Variants in KHDRBS2 observed in about 807,000 individuals in gnomAD.
KHDRBS2 encodes the protein KH domain-containing, RNA-binding, signal transduction-associated protein 2.
Under a neutral mutation model 44.3 loss-of-function variants are expected in KHDRBS2, and 26 were observed. That is an observed-to-expected ratio of 0.59 (90% CI 0.43 to 0.81). The LOEUF is 0.81. Among genes scored for constraint, KHDRBS2 ranks in the 40% least tolerant of loss-of-function variants. The probability of loss-of-function intolerance (pLI) is 0.00; values close to 1 mark genes in which losing one functional copy is unlikely to be tolerated. For synonymous variants in KHDRBS2, 194 were observed against 151.1 expected (o/e 1.28, Z -2.08); for missense variants, 476 against 433.1 (o/e 1.10, Z -0.88).
the KHDRBS2 span, among the ~76,000 whole-genome samples, chr6:61,615,259 A>G: frequency 6.7e-6 from 1 of 148,902 alleles, no homozygotes; most frequent in East Asian, 1.9e-4. Flanking sequence ...AAAGAAAGAA[A>G]AAAGAAAAAA....
chr6:61,766,980 T>C (rs1219742322), intron 6 of KHDRBS2, among the ~76,000 whole-genome samples: 2 of 152,138 alleles, frequency 1.3e-5, no homozygotes, highest in Admixed American at 6.5e-5. Context: ...ATTGGGTCTA[T>C]GGTGCAGATT....
chr6:61,574,392 G>A, the KHDRBS2 span: 2 of 1,524,902 alleles, frequency 1.3e-6, no homozygotes, highest in Non-Finnish European at 1.8e-6. Flanking sequence ...CCCGTGAAGA[G>A]GCGGACATAA....
At chr6:61,923,282 G>C (rs74696330) in intron 4 of KHDRBS2, among the ~76,000 whole-genome samples, 10,239 of 152,062 alleles carry the variant, frequency 0.067, 404 homozygotes, top group Middle Eastern at 0.13. Flanking sequence ...ATTAGCATTA[G>C]AAATGTGAGA....
chr6:61,646,282 T>A, the KHDRBS2 span, among the ~76,000 whole-genome samples: 8 of 152,280 alleles, frequency 5.3e-5, no homozygotes, highest in Admixed American at 4.6e-4. Context: ...AACAGAGGTA[T>A]TGTTTTCTAC....
intron 6 of KHDRBS2, among the ~76,000 whole-genome samples, chr6:61,848,567 A>ATATATACG (rs1212494397): frequency 5.5e-5 from 4 of 73,028 alleles, no homozygotes; most frequent in African/African-American, 1.2e-4. Flanking sequence ...ATATATGTAT[A>ATATATACG]TATATATACA....
the KHDRBS2 span, among the ~76,000 whole-genome samples, chr6:61,603,241 G>A: frequency 1.3e-5 from 2 of 152,260 alleles, no homozygotes; most frequent in East Asian, 1.9e-4. Context: ...TTCAGGATCT[G>A]TGCCTTATCC....
chr6:61,779,450 C>CA (rs988655452), intron 6 of KHDRBS2, among the ~76,000 whole-genome samples: 4 of 151,786 alleles, frequency 2.6e-5, no homozygotes, highest in East Asian at 1.9e-4. Flanking sequence ...GGGTGTGGTT[C>CA]AAAAAAACTT....
chr6:62,195,143 CTTAT>C (rs1825418342), intron 1 of KHDRBS2, among the ~76,000 whole-genome samples: 1 of 152,114 alleles, frequency 6.6e-6, no homozygotes. Flanking sequence ...AAGCCATGCC[CTTAT>C]TTGTTAAATT....
intron 6 of KHDRBS2, among the ~76,000 whole-genome samples, chr6:61,861,600 C>A (rs911723423): frequency 2.0e-5 from 3 of 150,806 alleles, no homozygotes; most frequent in African/African-American, 7.3e-5. Flanking sequence ...CAGTACCATG[C>A]TGTTTCAATT....
At chr6:61,550,949 T>A in the KHDRBS2 span, among the ~76,000 whole-genome samples, 1 of 151,834 alleles carries the variant, frequency 6.6e-6, no homozygotes, top group East Asian at 2.0e-4. Flanking sequence ...ATTTTTGTAT[T>A]TTTTGGTGGA....
intron 1 of KHDRBS2, among the ~76,000 whole-genome samples, chr6:62,197,539 C>T (rs1825951478): frequency 6.6e-6 from 1 of 152,092 alleles, no homozygotes; most frequent in Non-Finnish European, 1.5e-5. Flanking sequence ...AAGTATTTAT[C>T]ACACTCAGCA....
At chr6:61,684,196 C>G (rs1329772737) in intron 8 of KHDRBS2, among the ~76,000 whole-genome samples, 1 of 151,812 alleles carries the variant, frequency 6.6e-6, no homozygotes. Flanking sequence ...AACCAATGAA[C>G]GTTTTTCCAG....
chr6:61,687,861 A>G (rs145271801), intron 8 of KHDRBS2, among the ~76,000 whole-genome samples: 1 of 151,958 alleles, frequency 6.6e-6, no homozygotes, highest in African/African-American at 2.4e-5. Context: ...CATGTGATGC[A>G]TAATTTTTAT....
At chr6:62,021,972 A>G (rs1445082089) in intron 3 of KHDRBS2, among the ~76,000 whole-genome samples, 1 of 149,554 alleles carries the variant, frequency 6.7e-6, no homozygotes, top group African/African-American at 2.4e-5. Context: ...GTACATATAT[A>G]CACACACTAT....
intron 1 of KHDRBS2, among the ~76,000 whole-genome samples, chr6:62,219,571 T>C (rs1830543671): frequency 6.6e-6 from 1 of 151,414 alleles, no homozygotes; most frequent in Non-Finnish European, 1.5e-5. Context: ...AAAAGATGCA[T>C]ATTAGAAGAA....
At chr6:62,110,897 A>T (rs1204458964) in intron 2 of KHDRBS2, among the ~76,000 whole-genome samples, 1 of 151,916 alleles carries the variant, frequency 6.6e-6, no homozygotes, top group Non-Finnish European at 1.5e-5. Context: ...CTGTTAAATT[A>T]AAAAAAAGTA....
intron 6 of KHDRBS2, among the ~76,000 whole-genome samples, chr6:61,745,278 T>C (rs1312191385): frequency 6.6e-6 from 1 of 152,172 alleles, no homozygotes; most frequent in African/African-American, 2.4e-5. Context: ...GATGTTAACT[T>C]TGTATTTTTT....
the KHDRBS2 span, among the ~76,000 whole-genome samples, chr6:61,637,692 C>T: frequency 6.6e-6 from 1 of 152,058 alleles, no homozygotes; most frequent in African/African-American, 2.4e-5. Flanking sequence ...CTCTCCAGCA[C>T]CTGTTGTTTC....
At chr6:62,029,614 C>G (rs187883216) in intron 3 of KHDRBS2, among the ~76,000 whole-genome samples, 1 of 151,754 alleles carries the variant, frequency 6.6e-6, no homozygotes, top group African/African-American at 2.4e-5. Flanking sequence ...TTCTCCATTA[C>G]GTAAAATAGC....
Sources: gnomAD v4.1 joint callset for allele counts (sites outside exome capture counted in the v4.1 genomes callset) on GRCh38, gnomAD v4.1.1 for gene constraint, MANE v1.5 for transcripts, NCBI Gene and HGNC (gene_info 2026-07-23, HGNC 2026-07-21) for gene names.